Variants in ATRN observed in about 807,000 individuals in gnomAD.
ATRN encodes attractin-2.
In ATRN, 54 loss-of-function variants were observed where a neutral mutation model predicts 178.7. The observed-to-expected ratio is 0.30, with a 90% confidence interval of 0.24 to 0.38. The LOEUF (loss-of-function observed/expected upper bound fraction) is 0.38, where lower values mean the gene tolerates loss of function less well. Among genes scored for constraint, ATRN ranks in the 10% least tolerant of loss-of-function variants. The probability of loss-of-function intolerance (pLI) is 1.00; values close to 1 mark genes in which losing one functional copy is unlikely to be tolerated. For synonymous variants in ATRN, 636 were observed against 663.0 expected (o/e 0.96, Z 0.63); for missense variants, 1,443 against 1,815.1 (o/e 0.79, Z 3.73).
chr20:3,591,449 CT>C, intron 19 of ATRN, 143 bp downstream of exon 19: 1 of 1,087,202 alleles, frequency 9.2e-7, no homozygotes. Flanking sequence ...AGAAGCTCAG[CT>C]GAGCTGGAAG....
At chr20:3,533,058 A>G (rs151513) in intron 1 of ATRN, among the ~76,000 whole-genome samples, 134,303 of 152,248 alleles carry the variant, frequency 0.88, 59,539 homozygotes, top group African/African-American at 0.96. Flanking sequence ...CACCACGCCC[A>G]GCCTATGGTA....
chr20:3,490,084 C>G, intron 1 of ATRN: 1 of 1,325,346 alleles, frequency 7.5e-7, no homozygotes, highest in South Asian at 1.2e-5. Context: ...CTCTCAATGT[C>G]TCGCTTGGTG....
At chr20:3,631,794 T>C (rs553688013) in intron 25 of ATRN, among the ~76,000 whole-genome samples, 7 of 152,298 alleles carry the variant, frequency 4.6e-5, no homozygotes, top group Admixed American at 1.3e-4. Flanking sequence ...TGCCGTTGGC[T>C]TCATGCTCTT....
chr20:3,482,864 C>T (rs1400933111), intron 1 of ATRN, among the ~76,000 whole-genome samples: 1 of 152,170 alleles, frequency 6.6e-6, no homozygotes, highest in African/African-American at 2.4e-5. Flanking sequence ...TCTGAACTAA[C>T]TATAACTTCC....
intron 1 of ATRN, among the ~76,000 whole-genome samples, chr20:3,512,098 TATATATATA>T (rs1447916439): frequency 7.9e-6 from 1 of 127,154 alleles, no homozygotes; most frequent in Non-Finnish European, 1.6e-5. Flanking sequence ...TATATATATA[TATATATATA>T]TTTTTTTTTT....
chr20:3,554,581 G>A (rs1029283460), intron 6 of ATRN, among the ~76,000 whole-genome samples: 10 of 151,802 alleles, frequency 6.6e-5, no homozygotes, highest in Admixed American at 2.0e-4. Context: ...TGATCTGCCC[G>A]CCTCGGCCTC....
At chr20:3,569,328 C>A (rs1299133233) in intron 11 of ATRN, among the ~76,000 whole-genome samples, 1 of 152,070 alleles carries the variant, frequency 6.6e-6, no homozygotes, top group Non-Finnish European at 1.5e-5. Flanking sequence ...AGCTACAAGC[C>A]TGTGCAGCAT....
chr20:3,473,346 C>T (rs1430969570), intron 1 of ATRN, among the ~76,000 whole-genome samples: 1 of 152,010 alleles, frequency 6.6e-6, no homozygotes, highest in African/African-American at 2.4e-5. Context: ...GATGGTACTA[C>T]CTGCGTGAGG....
At chr20:3,618,207 C>T (rs1272197503) in intron 24 of ATRN, among the ~76,000 whole-genome samples, 1 of 151,980 alleles carries the variant, frequency 6.6e-6, no homozygotes, top group Non-Finnish European at 1.5e-5. Context: ...CTAACAGAGG[C>T]ACTAAGAGCA....
At chr20:3,532,381 GTGGTTGATAC>G (rs1014701311) in intron 1 of ATRN, among the ~76,000 whole-genome samples, 22 of 152,278 alleles carry the variant, frequency 1.4e-4, no homozygotes, top group Non-Finnish European at 2.6e-4. Flanking sequence ...GTTTTTGTGG[GTGGTTGATAC>G]TGTTTTTCAG....
intron 24 of ATRN, among the ~76,000 whole-genome samples, chr20:3,622,357 C>T (rs1467750035): frequency 2.0e-5 from 3 of 152,224 alleles, no homozygotes; most frequent in South Asian, 2.1e-4. Flanking sequence ...TGGTTTTGTG[C>T]GAGCAGTTCT....
In ATRN at chr20:3,545,984, G is replaced by A. The variant is rs536130957; in HGVS notation, c.737+94G>A. The A allele has an allele frequency of 3.5e-4, 479 of 1,362,938 alleles. 1 individual carries two copies. The East Asian group carries it at 0.011, about 30-fold the overall frequency. The allele number at this position is 1,362,938 out of a possible 1,614,324, so 84.4% of individuals were successfully genotyped here. A position where few individuals can be genotyped will look rare whatever the true frequency, so the allele number is the denominator to read the frequency against. On this transcript the variant is annotated intron_variant, in intron 4 of 28. Coordinates refer to ENST00000262919, the MANE Select transcript of ATRN (RefSeq NM_139321.3). Reference sequence around the variant, plus strand: ...ATGGCTAACATAGATTGAGAGCCAGGCATAGCGTCAGGCAGTTTACATGGA... The same window carrying A: ...ATGGCTAACATAGATTGAGAGCCAGACATAGCGTCAGGCAGTTTACATGGA...
chr20:3,613,510 G>C (rs978481905), intron 24 of ATRN, among the ~76,000 whole-genome samples: 1 of 152,148 alleles, frequency 6.6e-6, no homozygotes, highest in Non-Finnish European at 1.5e-5. Flanking sequence ...TGTGTAGCAT[G>C]GCTCTTAAAT....
intron 18 of ATRN, among the ~76,000 whole-genome samples, chr20:3,585,364 C>T (rs956700634): frequency 4.6e-5 from 7 of 152,178 alleles, no homozygotes; most frequent in Non-Finnish European, 1.0e-4. Context: ...AATATGTAAA[C>T]TCCCACCCTC....
At chr20:3,512,349 C>T (rs1488758742) in intron 1 of ATRN, among the ~76,000 whole-genome samples, 4 of 148,672 alleles carry the variant, frequency 2.7e-5, no homozygotes, top group African/African-American at 9.9e-5. Flanking sequence ...TGAGTGAGAA[C>T]ATGCTGTGTT....
intron 3 of ATRN, among the ~76,000 whole-genome samples, chr20:3,542,819 T>G (rs1472191638): frequency 2.3e-5 from 3 of 131,118 alleles, no homozygotes. Context: ...TTTTTTTTTT[T>G]GTAGAGACGG....
intron 17 of ATRN, 43 bp downstream of exon 17, chr20:3,584,126 G>C: frequency 6.3e-7 from 1 of 1,575,970 alleles, no homozygotes; most frequent in East Asian, 2.2e-5. Flanking sequence ...CATGCCCTCT[G>C]TATAGGCAAC....
chr20:3,481,191 G>A (rs979064755), intron 1 of ATRN, among the ~76,000 whole-genome samples: 3 of 151,474 alleles, frequency 2.0e-5, no homozygotes, highest in Non-Finnish European at 4.4e-5. Context: ...TTCTTATGAG[G>A]GCTTTCTTAT....
intron 21 of ATRN, among the ~76,000 whole-genome samples, chr20:3,597,313 C>A (rs1284519844): frequency 6.6e-6 from 1 of 152,026 alleles, no homozygotes; most frequent in East Asian, 1.9e-4. Flanking sequence ...GGAACTCTTA[C>A]AACTGAATAA....
Sources: gnomAD v4.1 joint callset for allele counts (sites outside exome capture counted in the v4.1 genomes callset) on GRCh38, gnomAD v4.1.1 for gene constraint, MANE v1.5 for transcripts, NCBI Gene and HGNC (gene_info 2026-07-23, HGNC 2026-07-21) for gene names.